Variants in TMC4 observed in about 807,000 individuals in gnomAD.
The protein encoded by TMC4 is voltage-gated chloride channel TMC4.
In TMC4, 70 loss-of-function variants were observed where a neutral mutation model predicts 82.0. That is an observed-to-expected ratio of 0.85 (90% CI 0.70 to 1.04). The LOEUF (loss-of-function observed/expected upper bound fraction) is 1.04, where lower values mean the gene tolerates loss of function less well. Ranked by LOEUF, TMC4 falls within the 50% of genes least tolerant of loss-of-function variation. The pLI, the probability that TMC4 is intolerant of heterozygous loss-of-function variation, is 0.00. For synonymous variants in TMC4, 446 were observed against 406.0 expected, an observed-to-expected ratio of 1.10 and a Z score of -1.18; for missense variants, 879 against 899.0, an observed-to-expected ratio of 0.98 and a Z score of 0.28.
intron 3 of TMC4, among the ~76,000 whole-genome samples, chr19:54,168,912 TTTCCTTCC>T (rs1237660940): frequency 0.08 from 915 of 11,456 alleles, 220 homozygotes; most frequent in Non-Finnish European, 0.091. Context: ...TTCTTCTTTC[TTTCCTTCC>T]TTCCTTCCTT....
In TMC4 at chr19:54,168,190, G is replaced by A. The variant is rs1253590907; in HGVS notation, c.778C>T (p.Leu260Phe). Residue 260 changes from leucine (L) to phenylalanine (F), a missense_variant, in exon 5 of 15, where the codon CTC (leucine) becomes TTC (phenylalanine). Transcript: ENST00000619895. ...CWAFAVGLIC[L>F]LLILHRSVSG... is the part of the protein sequence containing the mutation. ...ACTGACCGATGCAGGATGAGCAGGAGGCAGATGAGGCCAACGGCAAAGGCC... is the reference window on the plus strand; with the variant it reads ...ACTGACCGATGCAGGATGAGCAGGAAGCAGATGAGGCCAACGGCAAAGGCC... 2 of 1,604,028 alleles carry A rather than the reference G, an allele frequency of 1.2e-6. No individual in the cohort carries two copies. The highest frequency in any genetic ancestry group is 1.1e-5 in the South Asian group (1 of 89,160).
rs746409908 is a variant in TMC4, at chr19:54,171,940, G to A, written c.223C>T (p.Gln75Ter). 18 of 1,613,640 alleles carry A rather than the reference G, an allele frequency of 1.1e-5. No individual in the cohort carries two copies. In the South Asian group the frequency reaches 1.9e-4, roughly 17 times the overall value. The change falls in exon 2 of 15, where the codon CAG becomes TAG. Residue 75 changes from glutamine (Q) to a stop codon, truncating the protein, a stop_gained. Transcript: ENST00000619895. LOFTEE classifies it high-confidence loss of function. ...GGGTGAGGGTCCTGCAGCTCTGTCT[G>A]GGTGACTTCTGTGAAGGCCTTTCTG... ...RSRKAFTEVT[Q>*]TELQDPHPSR...
Position 54,160,163 on chromosome 19 carries a change from C to T in TMC4, c.*143G>A. ...AGGAAGATCACCCGAGAGTCAGGGA[C>T]GTGGCGGCGAGGGGCCCTGGAAATC... On this transcript the variant is annotated 3_prime_UTR_variant, in exon 15 of 15. Transcript: ENST00000619895. 2.3e-6 allele frequency: 2 copies of T among 872,832 alleles called. No individual in the cohort carries two copies. Among genetic ancestry groups the T allele is most frequent in the Non-Finnish European group, 3.4e-6 (2 of 589,840 alleles). The allele number at this position is 872,832 out of a possible 1,614,324, so 54.1% of individuals were successfully genotyped here.
In TMC4 at chr19:54,169,018, T is replaced by A. The variant is rs867606241; in HGVS notation, c.443-338A>T. Among the ~76,000 whole-genome samples the A allele has an allele frequency of 2.2e-3, 47 of 20,918 alleles. 6 individuals are homozygous for A. The East Asian group carries it at 0.042, about 19-fold the overall frequency. 13.7% of individuals were successfully genotyped at this position (20,918 alleles called of 152,430 possible). ...TCTATATATATATATATATTTTTTTTTTTTTCTTTTCTTTTCTTTTCTTTT... is the reference window on the plus strand; with the variant it reads ...TCTATATATATATATATATTTTTTTATTTTTCTTTTCTTTTCTTTTCTTTT... On this transcript the variant is annotated intron_variant, in intron 3 of 14. Coordinates refer to ENST00000619895, the MANE Select transcript of TMC4 (RefSeq NM_144686.4).
Position 54,162,141 on chromosome 19 carries a change from A to T in TMC4, c.1647T>A (p.Leu549=). 6.2e-7 allele frequency: 1 copy of T among 1,613,696 alleles called. No individual in the cohort carries two copies. Among genetic ancestry groups the T allele is most frequent in the Non-Finnish European group, 8.5e-7 (1 of 1,179,854 alleles). ...GSFFCPLLPL[L]NTVKFLLLFY... ...AAAGCAGCAGGAACTTGACCGTGTT[A>T]AGCAGGGGCAGTAAAGGGCAGAAAA... Residue 549 remains leucine, a synonymous_variant, in exon 11 of 15, where the codon CTT becomes CTA. Coordinates refer to ENST00000619895, the MANE Select transcript of TMC4 (RefSeq NM_144686.4).
intron 3 of TMC4, 23 bp downstream of exon 3, chr19:54,169,489 A>C: frequency 6.3e-7 from 1 of 1,597,324 alleles, no homozygotes; most frequent in Non-Finnish European, 8.5e-7. Context: ...TGCCCCCAGG[A>C]CACCACCCAA....
chr19:54,160,745 G>A (rs544781433), intron 13 of TMC4, 133 bp downstream of exon 13: 1 of 1,411,814 alleles, frequency 7.1e-7, no homozygotes, highest in East Asian at 2.5e-5. Context: ...AGCAGTCCAG[G>A]AGCCTAGGCC....
At chr19:54,162,074 A>C in intron 11 of TMC4, 28 bp downstream of exon 11, 1 of 1,580,506 alleles carries the variant, frequency 6.3e-7, no homozygotes, top group Non-Finnish European at 8.6e-7. Flanking sequence ...CTCCTGCCTC[A>C]GACCCAAGGG....
At chr19:54,165,688 G>A in intron 5 of TMC4, 122 bp from the exon 6 acceptor site, 1 of 1,130,890 alleles carries the variant, frequency 8.8e-7, no homozygotes, top group Non-Finnish European at 1.2e-6. Flanking sequence ...TACTAGGCGA[G>A]TTCCCACCAG....
rs576414040 is a variant in TMC4, at chr19:54,162,831, G to T, written c.1405-61C>A. The T allele has an allele frequency of 7.2e-6, 11 of 1,535,946 alleles. No individual in the cohort carries two copies. In the East Asian group the frequency reaches 9.0e-5, roughly 13 times the overall value. On this transcript the variant is annotated intron_variant, in intron 9 of 14. Coordinates refer to ENST00000619895, the MANE Select transcript of TMC4 (RefSeq NM_144686.4). ...GACCCGGGCACCTGGAGGCCCACGCGTCCGAGTCTCCACATCGCAAGCCTA... is the reference window on the plus strand; with the variant it reads ...GACCCGGGCACCTGGAGGCCCACGCTTCCGAGTCTCCACATCGCAAGCCTA...
intron 9 of TMC4, 120 bp from the exon 10 acceptor site, chr19:54,162,890 C>T (rs2075602760): frequency 6.5e-7 from 1 of 1,532,074 alleles, no homozygotes; most frequent in South Asian, 1.2e-5. Context: ...TGGGGGTCCT[C>T]GTTTTTCAAA....
rs34564463 is a variant in TMC4 at position 54,173,119 on chromosome 19, GC to G, written c.-3del. 0.57 allele frequency: 916,947 copies of G among 1,613,210 alleles called. 262,252 individuals are homozygous for G. Among genetic ancestry groups the G allele is most frequent in the East Asian group, 0.68 (30,308 of 44,784 alleles). Reference sequence around the variant, plus strand: ...TTCCAAGGTCGGGTTTTCTTCCATGGCCCCAGGCTGGGCTGTCTCTAGTGGC... The same window carrying G: ...TTCCAAGGTCGGGTTTTCTTCCATGGCCCAGGCTGGGCTGTCTCTAGTGGC... On this transcript the variant is annotated 5_prime_UTR_variant, in exon 1 of 15. Coordinates refer to ENST00000619895, the MANE Select transcript of TMC4 (RefSeq NM_144686.4).
intron 1 of TMC4, chr19:54,172,569 C>T: frequency 3.2e-6 from 1 of 317,320 alleles, no homozygotes. Context: ...AATCCAGGCA[C>T]CCAGCCCCTC....
chr19:54,162,429 G>A (rs1052466543), intron 10 of TMC4, 144 bp from the exon 11 acceptor site: 8 of 715,866 alleles, frequency 1.1e-5, no homozygotes, highest in African/African-American at 7.2e-5. Flanking sequence ...TCCACGTGGA[G>A]GGGGTGTGTC....
At chr19:54,170,522 C>A (rs1363268833) in intron 2 of TMC4, among the ~76,000 whole-genome samples, 1 of 152,036 alleles carries the variant, frequency 6.6e-6, no homozygotes, top group Non-Finnish European at 1.5e-5. Context: ...CAAGGACTCC[C>A]CAAGAATACT....
In TMC4 at chr19:54,162,783, G is replaced by T. The variant is rs1175200897; in HGVS notation, c.1405-13C>A. 1.2e-6 allele frequency: 2 copies of T among 1,612,094 alleles called. No homozygotes were observed. The highest frequency in any genetic ancestry group is 2.2e-5 in the East Asian group (1 of 44,870). ...CAGTCTCCCAGCACTGAAGAAGGAA[G>T]AAATATATCAGAAAGAACTCGGGAC... is the stretch of plus-strand genomic sequence containing the variant. On this transcript the variant is annotated splice_polypyrimidine_tract_variant and intron_variant, in intron 9 of 14. Coordinates refer to ENST00000619895, the MANE Select transcript of TMC4 (RefSeq NM_144686.4).
chr19:54,167,931 C>T (rs951298450), intron 5 of TMC4, among the ~76,000 whole-genome samples: 4 of 151,642 alleles, frequency 2.6e-5, no homozygotes, highest in Non-Finnish European at 5.9e-5. Flanking sequence ...GGCGTGGTGG[C>T]GGGCGCCTGT....
At chr19:54,161,744 G>GT (rs1301841674) in intron 11 of TMC4, among the ~76,000 whole-genome samples, 1 of 152,078 alleles carries the variant, frequency 6.6e-6, no homozygotes, top group Non-Finnish European at 1.5e-5. Flanking sequence ...GTTTTGCCAT[G>GT]TTAGCCAGGC....
Position 54,160,563 on chromosome 19 carries a change from G to C in TMC4, c.1974-18C>G, listed in dbSNP as rs760996166. Reference sequence around the variant, plus strand: ...TCAGGATGCTGAAGGAGACAGGAACGGAAGCCACTCCTGACACGCTCTTCC... The same window carrying C: ...TCAGGATGCTGAAGGAGACAGGAACCGAAGCCACTCCTGACACGCTCTTCC... On this transcript the variant is annotated intron_variant, in intron 13 of 14. Coordinates refer to ENST00000619895, the MANE Select transcript of TMC4 (RefSeq NM_144686.4). 4.3e-6 allele frequency: 7 copies of C among 1,613,858 alleles called. No individual in the cohort carries two copies. The highest frequency in any genetic ancestry group is 5.9e-6 in the Non-Finnish European group (7 of 1,179,980).
Sources: allele counts gnomAD v4.1 joint callset (sites outside exome capture counted in the v4.1 genomes callset), GRCh38; gene constraint gnomAD v4.1.1; transcripts MANE v1.5; gene names NCBI Gene and HGNC (gene_info 2026-07-23, HGNC 2026-07-21).